TMEM82: variants seen among roughly 807,000 people sequenced by gnomAD.
TMEM82 encodes transmembrane protein 82.
TMEM82 carries 30 observed loss-of-function variants against 29.2 expected under a neutral mutation model. The observed-to-expected ratio is 1.03, with a 90% CI of 0.77 to 1.39. The LOEUF is 1.39. TMEM82 is among the 40% of genes most tolerant of loss of function. TMEM82 has a pLI of 0.00. For synonymous variants in TMEM82, 221 were observed against 225.4 expected (o/e 0.98, Z 0.18); for missense variants, 442 against 447.7 (o/e 0.99, Z 0.12).
chr1:15,745,713 T>G (rs1243158754), intron 4 of TMEM82, among the ~76,000 whole-genome samples: 1 of 151,594 alleles, frequency 6.6e-6, no homozygotes, highest in Non-Finnish European at 1.5e-5. Context: ...GCCAATGTGG[T>G]GAAACCCCCG....
In TMEM82 at chr1:15,744,198, G is replaced by T; in HGVS notation, c.375G>T (p.Leu125=). The T allele has an allele frequency of 6.3e-7, 1 of 1,589,628 alleles. No individual in the cohort carries two copies. ...QGAAERLQLY[L]LCQYSLGCGL... ...CCGCCGAGAGGCTGCAGCTCTACCT[G>T]CTGTGCCAGTACTCGCTGGGCTGCG... The change falls in exon 4 of 6, where the codon CTG becomes CTT. Residue 125 remains leucine, a synonymous_variant. Coordinates refer to ENST00000375782, the MANE Select transcript of TMEM82 (RefSeq NM_001013641.3). This position sits in a 1 kb window ranked among gnomAD's most constrained non-coding sequence, Gnocchi z 5.2.
At position 15,744,521 on chromosome 1, in the gene TMEM82, C is replaced by G. The variant is rs2068319478; in HGVS notation, c.698C>G (p.Ala233Gly). Residue 233 changes from alanine to glycine, a missense_variant, in exon 4 of 6, where the codon GCC becomes GGC. Ala to Gly is a moderately conservative substitution (Grantham distance 60). Transcript: ENST00000375782. The surrounding 1 kb of genome is among the most constrained non-coding windows in gnomAD (Gnocchi z 5.2). ...INQDFLTTSE[A>G]MRFWTPLTIC... Reference sequence around the variant, plus strand: ...CAGGACTTCCTGACCACCTCGGAGGCCATGCGGTTCTGGACACCGCTCACC... The same window carrying G: ...CAGGACTTCCTGACCACCTCGGAGGGCATGCGGTTCTGGACACCGCTCACC... 6.2e-7 allele frequency: 1 copy of G among 1,612,408 alleles called. No individual in the cohort carries two copies. The highest frequency in any genetic ancestry group is 1.3e-5 in the African/African-American group (1 of 74,952).
rs202140107 is a variant in TMEM82, at chr1:15,742,902, T to C, written c.156T>C (p.Cys52=). The stretch of plus-strand genomic sequence containing the variant: ...TGAAAGTTTACTTCTTCGTGGGCTG[T>C]GCCAAGTGAGTGCCCACCTCATCCC... The part of the protein sequence containing the change: ...SLLKVYFFVG[C]ANDPQRRPEK... The change falls in exon 2 of 6, where the codon TGT becomes TGC. Residue 52 remains cysteine, a synonymous_variant. Coordinates refer to ENST00000375782, the MANE Select transcript of TMEM82 (RefSeq NM_001013641.3). 3.0e-4 allele frequency: 482 copies of C among 1,612,796 alleles called. 4 individuals are homozygous for C. The East Asian group carries it at 0.01, about 34-fold the overall frequency.
chr1:15,745,281 G>A (rs775627330), intron 4 of TMEM82, among the ~76,000 whole-genome samples: 11 of 152,138 alleles, frequency 7.2e-5, no homozygotes, highest in Non-Finnish European at 1.6e-4. Context: ...TGCACTTTGA[G>A]AAGCTGAGAC....
At position 15,747,569 on chromosome 1, in the gene TMEM82, A is replaced by C; in HGVS notation, c.969A>C (p.Pro323=). The C allele has an allele frequency of 6.2e-7, 1 of 1,614,028 alleles. No individual in the cohort carries two copies. Among genetic ancestry groups the C allele is most frequent in the Non-Finnish European group, 8.5e-7 (1 of 1,179,946 alleles). ...AGGATTTTCCATCCCAGAGGCCTCCAGTGTCAACACCAAGCCAGCCCCTGC... is the reference window on the plus strand; with the variant it reads ...AGGATTTTCCATCCCAGAGGCCTCCCGTGTCAACACCAAGCCAGCCCCTGC... ...QIQDFPSQRP[P]VSTPSQPLPS... Residue 323 remains proline, a synonymous_variant, in exon 6 of 6, where the codon CCA becomes CCC. Coordinates refer to ENST00000375782, the MANE Select transcript of TMEM82 (RefSeq NM_001013641.3).
chr1:15,747,120 A>G lies in TMEM82; in HGVS notation c.945+66A>G, dbSNP rs147099604. 337 of 1,523,174 alleles carry G rather than the reference A, an allele frequency of 2.2e-4. 2 individuals carry two copies. The African/African-American group carries it at 4.1e-3, about 19-fold the overall frequency. The allele number at this position is 1,523,174 out of a possible 1,614,324, so 94.4% of individuals were successfully genotyped here. On this transcript the variant is annotated intron_variant, in intron 5 of 5. Transcript: ENST00000375782. Reference sequence around the variant, plus strand: ...CTGCTTCAAACAGCCCAGGAGCCTCAAGAGGCTCAAGTTTAAGAAGAGCCA... The same window carrying G: ...CTGCTTCAAACAGCCCAGGAGCCTCGAGAGGCTCAAGTTTAAGAAGAGCCA...
Position 15,747,458 on chromosome 1 carries a change from G to A in TMEM82, c.946-88G>A, listed in dbSNP as rs1471646526. On this transcript the variant is annotated intron_variant, in intron 5 of 5. Transcript: ENST00000375782. ...CTCCAGCAACAACCCAGAGGCCCAA[G>A]GGGGAGGAAGTGCCCGGGTCACTGG... 12 of 1,152,040 alleles carry A rather than the reference G, an allele frequency of 1.0e-5. No individual in the cohort carries two copies. The African/African-American group carries it at 1.7e-4, about 16-fold the overall frequency. The allele number at this position is 1,152,040 out of a possible 1,614,324, so 71.4% of individuals were successfully genotyped here.
In TMEM82 at chr1:15,744,222, C is replaced by T. The variant is rs536993039; in HGVS notation, c.399C>T (p.Cys133=). The change falls in exon 4 of 6, where the codon TGC becomes TGT. Residue 133 remains cysteine, a synonymous_variant. Transcript: ENST00000375782. This position sits in a 1 kb window ranked among gnomAD's most constrained non-coding sequence, Gnocchi z 5.2. ...TGCTGTGCCAGTACTCGCTGGGCTGCGGGCTGACCTGTGGCCTGAGCTTCC... is the reference window on the plus strand; with the variant it reads ...TGCTGTGCCAGTACTCGCTGGGCTGTGGGCTGACCTGTGGCCTGAGCTTCC... ...LYLLCQYSLG[C]GLTCGLSFLQ... 3.0e-5 allele frequency: 47 copies of T among 1,590,174 alleles called. No individual in the cohort carries two copies. Among genetic ancestry groups the T allele is most frequent in the Non-Finnish European group, 3.1e-5 (36 of 1,173,350 alleles).
At chr1:15,743,804 C>G (rs1231508173) in intron 3 of TMEM82, among the ~76,000 whole-genome samples, 1 of 151,762 alleles carries the variant, frequency 6.6e-6, no homozygotes, top group Non-Finnish European at 1.5e-5. Context: ...CAAAAACAAA[C>G]AAACAAAAAA....
chr1:15,743,497 G>A (rs1269696156), intron 3 of TMEM82, among the ~76,000 whole-genome samples: 1 of 152,238 alleles, frequency 6.6e-6, no homozygotes, highest in Non-Finnish European at 1.5e-5. Flanking sequence ...CACAGCCACA[G>A]GGGTAAAGGT....
At chr1:15,742,746 C>A in intron 1 of TMEM82, 89 bp from the exon 2 acceptor site, 1 of 1,521,814 alleles carries the variant, frequency 6.6e-7, no homozygotes, top group Non-Finnish European at 9.0e-7. Context: ...CACCCCTGCC[C>A]CTTGGCCGCC....
At chr1:15,745,435 C>T (rs147255638) in intron 4 of TMEM82, among the ~76,000 whole-genome samples, 177 of 151,948 alleles carry the variant, frequency 1.2e-3, no homozygotes, top group Middle Eastern at 6.8e-3. Flanking sequence ...ACAAGAATCG[C>T]TTGAACCCAG....
rs1470326344 is a variant in TMEM82, at chr1:15,747,009, G to A, written c.900G>A (p.Trp300Ter). 6.2e-7 allele frequency: 1 copy of A among 1,612,162 alleles called. No individual in the cohort carries two copies. Among genetic ancestry groups the A allele is most frequent in the Admixed American group, 1.7e-5 (1 of 59,930 alleles). The change falls in exon 5 of 6, where the codon TGG becomes TGA. Residue 300 changes from tryptophan to a stop codon, truncating the protein, a stop_gained. Transcript: ENST00000375782. LOFTEE classifies it low-confidence loss of function (END_TRUNC). Reference protein sequence around the residue: ...GILVSLLGELWCLVGVRTLLD... With the variant: ...GILVSLLGEL ...TTGTCTCCCTACTGGGCGAGCTCTG[G>A]TGTCTCGTGGGCGTCCGCACCCTGC...
In TMEM82 at chr1:15,743,031, G is replaced by A. The variant is rs778503614; in HGVS notation, c.173G>A (p.Arg58Gln). The change falls in exon 3 of 6, where the codon CGG becomes CAG. Residue 58 changes from arginine to glutamine, a missense_variant. By Grantham distance (43) the Arg-to-Gln change is conservative (BLOSUM62 1). Transcript: ENST00000375782. ...FFVGCANDPQ[R>Q]RPEKERLRAQ... ...TTCTGTCCCCAAAGTGACCCGCAGC[G>A]GCGACCCGAAAAGGAGCGGCTTCGG... 6.3e-5 allele frequency: 100 copies of A among 1,598,890 alleles called. No individual in the cohort carries two copies. The highest frequency in any genetic ancestry group is 7.9e-5 in the Non-Finnish European group (93 of 1,172,280).
chr1:15,743,106 T>C lies in TMEM82; in HGVS notation c.248T>C (p.Phe83Ser), dbSNP rs1022099733. The C allele has an allele frequency of 6.2e-7, 1 of 1,612,074 alleles. No homozygotes were observed. The highest frequency in any genetic ancestry group is 8.5e-7 in the Non-Finnish European group (1 of 1,179,778). ...ETVHLAGLAL[F>S]LTVVGSRVAA... Reference sequence around the variant, plus strand: ...GTGCACCTGGCAGGGCTGGCCCTGTTTCTGACGGTCGTGGGGTCCCGGGTG... The same window carrying C: ...GTGCACCTGGCAGGGCTGGCCCTGTCTCTGACGGTCGTGGGGTCCCGGGTG... Residue 83 changes from phenylalanine (F) to serine (S), a missense_variant, in exon 3 of 6, where the codon TTT becomes TCT. Physicochemically the swap from Phe to Ser is radical, Grantham distance 155. Coordinates refer to ENST00000375782, the MANE Select transcript of TMEM82 (RefSeq NM_001013641.3).
In TMEM82 at chr1:15,746,838, G is replaced by T. The variant is rs181289331; in HGVS notation, c.758-29G>T. The T allele has an allele frequency of 2.6e-6, 4 of 1,534,018 alleles. No homozygotes were observed. In the East Asian group the frequency reaches 7.2e-5, roughly 28 times the overall value. On this transcript the variant is annotated intron_variant, in intron 4 of 5. Transcript: ENST00000375782. The stretch of plus-strand genomic sequence containing the variant: ...GAGGTCCAGTCCGGGGTGTGTGGTC[G>T]GACGGTGACAGGCACCCGCATCCCA...
intron 1 of TMEM82, 74 bp downstream of exon 1, chr1:15,742,721 C>A: frequency 1.3e-6 from 2 of 1,523,740 alleles, no homozygotes; most frequent in Non-Finnish European, 1.8e-6. Flanking sequence ...GGACCCCACC[C>A]ACCTGGTCTC....
chr1:15,742,819 C>A lies in TMEM82; in HGVS notation c.89-16C>A. On this transcript the variant is annotated splice_polypyrimidine_tract_variant and intron_variant, in intron 1 of 5. Transcript: ENST00000375782. Reference sequence around the variant, plus strand: ...CCCCTGCACGCTGCCTCGCTGCCTCCCTCCCGCCCCCTCAGGCCTGATCGG... The same window carrying A: ...CCCCTGCACGCTGCCTCGCTGCCTCACTCCCGCCCCCTCAGGCCTGATCGG... 6.2e-7 allele frequency: 1 copy of A among 1,609,722 alleles called. No individual in the cohort carries two copies. Among genetic ancestry groups the A allele is most frequent in the Non-Finnish European group, 8.5e-7 (1 of 1,177,840 alleles).
intron 1 of TMEM82, 32 bp from the exon 2 acceptor site, chr1:15,742,803 G>A (rs755905287): frequency 3.7e-6 from 6 of 1,601,742 alleles, no homozygotes; most frequent in African/African-American, 1.3e-5. Context: ...ACCCCTGCAC[G>A]CTGCCTCGCT....
Sources: gnomAD v4.1 joint callset for allele counts (sites outside exome capture counted in the v4.1 genomes callset) on GRCh38, gnomAD v4.1.1 for gene constraint, Gnocchi (gnomAD v3.1) non-coding constraint, MANE v1.5 for transcripts, NCBI Gene and HGNC (gene_info 2026-07-23, HGNC 2026-07-21) for gene names.